URB1: variants seen among roughly 807,000 people sequenced by gnomAD.
URB1 encodes the protein nucleolar pre-ribosomal-associated protein 1.
In URB1, 197 loss-of-function variants were observed where a neutral mutation model predicts 242.3. The observed-to-expected ratio is 0.81, with a 90% CI of 0.72 to 0.91. The LOEUF is 0.91. Ranked by LOEUF, URB1 falls within the 40% of genes least tolerant of loss-of-function variation. The pLI, the probability that URB1 is intolerant of heterozygous loss-of-function variation, is 0.00. For synonymous variants in URB1, 1,153 were observed against 1,201.8 expected, an observed-to-expected ratio of 0.96 and a Z score of 0.84; for missense variants, 2,721 against 2,860.5, an observed-to-expected ratio of 0.95 and a Z score of 1.11.
intron 10 of URB1, among the ~76,000 whole-genome samples, chr21:32,364,205 A>G (rs1425625402): frequency 6.6e-6 from 1 of 152,180 alleles, no homozygotes; most frequent in Admixed American, 6.5e-5. Flanking sequence ...GTAGGGTTCA[A>G]GAACCTGTGC....
intron 1 of URB1, among the ~76,000 whole-genome samples, chr21:32,388,289 C>T (rs186653354): frequency 4.6e-5 from 7 of 152,192 alleles, no homozygotes; most frequent in Admixed American, 6.5e-5. Context: ...TTGTATGAAG[C>T]GTAAAAAGGC....
chr21:32,341,871 G>A (rs2033034313), intron 24 of URB1, among the ~76,000 whole-genome samples: 1 of 152,056 alleles, frequency 6.6e-6, no homozygotes, highest in Admixed American at 6.5e-5. Flanking sequence ...AACTTACAGG[G>A]GCAGAGAGCA....
At chr21:32,375,860 G>A (rs2123615719) in intron 5 of URB1, among the ~76,000 whole-genome samples, 1 of 152,196 alleles carries the variant, frequency 6.6e-6, no homozygotes, top group Admixed American at 6.5e-5. Context: ...AAGAGGCTGA[G>A]GTGGCAGGAT....
chr21:32,354,963 T>C lies in URB1; in HGVS notation c.2141A>G (p.Tyr714Cys). Reference sequence around the variant, plus strand: ...GACAAAGTCAGATGCTTTGTCTGTGTATGAATAGGGATTCGCCACCAATGT... The same window carrying C: ...GACAAAGTCAGATGCTTTGTCTGTGCATGAATAGGGATTCGCCACCAATGT... ...LLTLVANPYS[Y>C]TDKASDFVQE... Residue 714 changes from tyrosine to cysteine, a missense_variant, in exon 17 of 39, where the codon TAC (tyrosine) becomes TGC (cysteine). By Grantham distance (194) the Tyr-to-Cys change is radical. Coordinates refer to ENST00000382751, the MANE Select transcript of URB1 (RefSeq NM_014825.3). 2 of 1,552,068 alleles carry C rather than the reference T, an allele frequency of 1.3e-6. No homozygotes were observed. Among genetic ancestry groups the C allele is most frequent in the South Asian group, 2.4e-5 (2 of 84,058 alleles).
chr21:32,349,659 A>T (rs1447425354), intron 20 of URB1, among the ~76,000 whole-genome samples, 176 bp from the exon 21 acceptor site: 1 of 152,240 alleles, frequency 6.6e-6, no homozygotes, highest in African/African-American at 2.4e-5. Context: ...CAAATAAGAG[A>T]TGTGTCTTCC....
At position 32,333,533 on chromosome 21, in the gene URB1, T is replaced by C. The variant is rs184003911; in HGVS notation, c.4858-114A>G. 1.4e-4 allele frequency: 117 copies of C among 812,428 alleles called. 1 individual carries two copies. The African/African-American group carries it at 1.8e-3, about 13-fold the overall frequency. The allele number at this position is 812,428 out of a possible 1,614,324, so 50.3% of individuals were successfully genotyped here. On this transcript the variant is annotated intron_variant, in intron 29 of 38. Coordinates refer to ENST00000382751, the MANE Select transcript of URB1 (RefSeq NM_014825.3). The stretch of plus-strand genomic sequence containing the variant: ...CAGAAATGTTTCAGATTTTGGAATA[T>C]TTGCATACATAATGAGATATCTTGG...
Position 32,320,221 on chromosome 21 carries a change from G to A in URB1, c.5594+310C>T, listed in dbSNP as rs545778716. 1.6e-3 allele frequency among the ~76,000 whole-genome samples: 243 copies of A among 152,348 alleles called. 1 individual carries two copies. The highest frequency in any genetic ancestry group is 3.4e-3 in the Middle Eastern group (1 of 294). On this transcript the variant is annotated intron_variant, in intron 35 of 38. Coordinates refer to ENST00000382751, the MANE Select transcript of URB1 (RefSeq NM_014825.3). ...AGAAGGCTGCTGGGACACCGGGGAG[G>A]AGTCTGACCTGTGCAGAACAGAGCC...
At chr21:32,384,109 G>A (rs1026792980) in intron 3 of URB1, among the ~76,000 whole-genome samples, 4 of 152,212 alleles carry the variant, frequency 2.6e-5, no homozygotes, top group Non-Finnish European at 4.4e-5. Flanking sequence ...CAGGACAAGA[G>A]GGACAAGGGG....
In URB1 at chr21:32,352,831, C is replaced by T. The variant is rs929938542; in HGVS notation, c.2492G>A (p.Cys831Tyr). 1.1e-5 allele frequency: 17 copies of T among 1,551,698 alleles called. No individual in the cohort carries two copies. The highest frequency in any genetic ancestry group is 1.5e-5 in the Non-Finnish European group (17 of 1,146,988). Residue 831 changes from cysteine to tyrosine, a missense_variant, in exon 19 of 39, where the codon TGT becomes TAT. Cys to Tyr is a radical substitution (Grantham distance 194). Transcript: ENST00000382751. The stretch of plus-strand genomic sequence containing the variant: ...CTTATCATATGCCTGGAGCAGGAGA[C>T]ACAGAGCCAGGGGGTCCCTCTGGGT... ...LHTQRDPLAL[C>Y]LLLQAYDKLE... is the part of the protein sequence containing the mutation.
Position 32,372,222 on chromosome 21 carries a change from C to T in URB1, c.1001+285G>A, listed in dbSNP as rs574818400. On this transcript the variant is annotated intron_variant, in intron 8 of 38. Coordinates refer to ENST00000382751, the MANE Select transcript of URB1 (RefSeq NM_014825.3). ...TGGCAAGGCAGACGCCTTTTCTGAG[C>T]TCCAGCTGACGAACACTGTCTTTAG... 1.6e-4 allele frequency among the ~76,000 whole-genome samples: 24 copies of T among 152,358 alleles called. No homozygotes were observed. The South Asian group carries it at 5.0e-3, about 32-fold the overall frequency.
At chr21:32,363,452 GGTCTCTA>G in intron 10 of URB1, 123 bp from the exon 11 acceptor site, 1 of 1,236,040 alleles carries the variant, frequency 8.1e-7, no homozygotes. Context: ...TGAAACTGCT[GGTCTCTA>G]CGCTCTGAGA....
chr21:32,373,560 T>A, intron 7 of URB1, 87 bp downstream of exon 7: 1 of 1,389,246 alleles, frequency 7.2e-7, no homozygotes, highest in Middle Eastern at 1.8e-4. Context: ...ACTTCAAGTC[T>A]GGTGCGGTGT....
Position 32,387,503 on chromosome 21 carries a change from T to C in URB1, c.143-1819A>G, listed in dbSNP as rs115917081. The stretch of plus-strand genomic sequence containing the variant: ...TTCTCAAAACTAGGAAGGCAGGGCA[T>C]GGCAGTGGGTTGGAAGCCGCATGAG... On this transcript the variant is annotated intron_variant, in intron 1 of 38. Transcript: ENST00000382751. Among the ~76,000 whole-genome samples the C allele has an allele frequency of 1.4e-3, 209 of 150,340 alleles. 1 individual carries two copies. Among genetic ancestry groups the C allele is most frequent in the African/African-American group, 4.7e-3 (194 of 40,862 alleles).
intron 36 of URB1, among the ~76,000 whole-genome samples, chr21:32,318,522 A>G (rs2833763): frequency 0.18 from 27,871 of 152,236 alleles, 3,871 homozygotes; most frequent in African/African-American, 0.39. Context: ...TTAACAATTT[A>G]GTTTTGAACA....
Position 32,324,612 on chromosome 21 carries a change from A to C in URB1, c.5122-10T>G. The C allele has an allele frequency of 4.5e-6, 7 of 1,539,972 alleles. No individual in the cohort carries two copies. Among genetic ancestry groups the C allele is most frequent in the Non-Finnish European group, 5.3e-6 (6 of 1,136,302 alleles). On this transcript the variant is annotated splice_polypyrimidine_tract_variant and intron_variant, in intron 31 of 38. Transcript: ENST00000382751. The stretch of plus-strand genomic sequence containing the variant: ...CCAACAGGTAAAGTAGCTTGAAAAC[A>C]GAACAGAAAAGGAAAATGTAAGATG...
At position 32,347,155 on chromosome 21, in the gene URB1, C is replaced by T. The variant is rs1420479013; in HGVS notation, c.3669G>A (p.Leu1223=). The T allele has an allele frequency of 6.5e-7, 1 of 1,549,064 alleles. No homozygotes were observed. The highest frequency in any genetic ancestry group is 2.0e-5 in the Admixed American group (1 of 50,982). Residue 1223 remains leucine (L), a synonymous_variant, in exon 22 of 39, where the codon CTG becomes CTA. Transcript: ENST00000382751. The part of the protein sequence containing the change: ...AVGADLLDYC[L]ARRTQAALSI... Reference sequence around the variant, plus strand: ...TGAGGGCCGCCTGTGTGCGCCGGGCCAGGCAGTAGTCAAGCAGATCAGCCC... The same window carrying T: ...TGAGGGCCGCCTGTGTGCGCCGGGCTAGGCAGTAGTCAAGCAGATCAGCCC...
intron 24 of URB1, among the ~76,000 whole-genome samples, chr21:32,342,065 T>C (rs1403654962): frequency 6.6e-6 from 1 of 152,102 alleles, no homozygotes; most frequent in African/African-American, 2.4e-5. Flanking sequence ...AAAAAAATTG[T>C]TTGGTTATTT....
At position 32,352,601 on chromosome 21, in the gene URB1, A is replaced by G; in HGVS notation, c.2613+109T>C. 2.3e-6 allele frequency: 3 copies of G among 1,324,586 alleles called. No individual in the cohort carries two copies. In the South Asian group the frequency reaches 4.0e-5, roughly 18 times the overall value. The allele number at this position is 1,324,586 out of a possible 1,614,324, so 82.1% of individuals were successfully genotyped here. A position where few individuals can be genotyped will look rare whatever the true frequency, so the allele number is the denominator to read the frequency against. ...AGGGGACTTTAGGGTAAGAAATTTC[A>G]CCCTGCAGGCTGTCTGGCTACCCAA... is the stretch of plus-strand genomic sequence containing the variant. On this transcript the variant is annotated intron_variant, in intron 19 of 38. Coordinates refer to ENST00000382751, the MANE Select transcript of URB1 (RefSeq NM_014825.3).
At position 32,322,670 on chromosome 21, in the gene URB1, G is replaced by C. The variant is rs766494336; in HGVS notation, c.5234-86C>G. 7.4e-6 allele frequency: 7 copies of C among 950,736 alleles called. No individual in the cohort carries two copies. The South Asian group carries it at 8.4e-5, about 11-fold the overall frequency. 58.9% of individuals were successfully genotyped at this position (950,736 alleles called of 1,614,324 possible). A position where few individuals can be genotyped will look rare whatever the true frequency, so the allele number is the denominator to read the frequency against. ...CAGCACTAAGAGGCAGGCATTCTGG[G>C]TATCAGACATAAATCCCCTCCCAGG... On this transcript the variant is annotated intron_variant, in intron 32 of 38. Coordinates refer to ENST00000382751, the MANE Select transcript of URB1 (RefSeq NM_014825.3).
Sources: gnomAD v4.1 joint callset for allele counts (sites outside exome capture counted in the v4.1 genomes callset) on GRCh38, gnomAD v4.1.1 for gene constraint, MANE v1.5 for transcripts, NCBI Gene and HGNC (gene_info 2026-07-23, HGNC 2026-07-21) for gene names.